The following CHD9 variants were observed in gnomAD, a reference collection of about 807,000 sequenced individuals.
The protein encoded by CHD9 is chromodomain helicase DNA binding protein 9, also known as ATP-dependent chromatin remodeler CHD9.
Under a neutral mutation model 316.1 loss-of-function variants are expected in CHD9, and 77 were observed. The observed-to-expected ratio is 0.24, with a 90% CI of 0.20 to 0.29. The LOEUF is 0.29. Ranked by LOEUF, CHD9 falls within the 10% of genes least tolerant of loss-of-function variation. The pLI is 1.00. For synonymous variants in CHD9, 1,129 were observed against 1,158.3 expected (o/e 0.97, Z 0.51); for missense variants, 2,763 against 3,438.1 (o/e 0.80, Z 4.91).
intron 2 of CHD9, among the ~76,000 whole-genome samples, chr16:53,186,861 C>T (rs1483604548): frequency 6.6e-6 from 1 of 152,196 alleles, no homozygotes; most frequent in African/African-American, 2.4e-5. Flanking sequence ...TCCCCTTCCA[C>T]CATGATTGTA....
At chr16:53,114,036 G>C (rs557661963) in intron 1 of CHD9, among the ~76,000 whole-genome samples, 2 of 151,316 alleles carry the variant, frequency 1.3e-5, no homozygotes, top group Non-Finnish European at 2.9e-5. Context: ...TGAGGAAAAG[G>C]GTTATTAATT....
chr16:53,167,279 C>T (rs1197565621), intron 2 of CHD9, among the ~76,000 whole-genome samples: 4 of 152,092 alleles, frequency 2.6e-5, no homozygotes, highest in Non-Finnish European at 5.9e-5. Context: ...ATTGTATATA[C>T]ATGTGAATGA....
intron 2 of CHD9, among the ~76,000 whole-genome samples, chr16:53,206,038 C>T (rs754014412): frequency 3.9e-5 from 6 of 151,964 alleles, no homozygotes; most frequent in Admixed American, 1.3e-4. Context: ...CCACAACCTC[C>T]GCCTCCCAGG....
In CHD9 at chr16:53,300,237, C is replaced by T. The variant is rs1240790949; in HGVS notation, c.5713+3079C>T. On this transcript the variant is annotated intron_variant, in intron 30 of 38. Coordinates refer to ENST00000447540, the MANE Select transcript of CHD9 (RefSeq NM_001308319.2). ...GTGTAGTGGCACGCACCTGTAATCCCAGCTACTCGGGAGGCTGAGGCAGGA... is the reference window on the plus strand; with the variant it reads ...GTGTAGTGGCACGCACCTGTAATCCTAGCTACTCGGGAGGCTGAGGCAGGA... Among the ~76,000 whole-genome samples, 8 of 152,066 alleles carry T rather than the reference C, an allele frequency of 5.3e-5. No individual in the cohort carries two copies. In the South Asian group the frequency reaches 1.5e-3, roughly 28 times the overall value.
chr16:53,172,455 G>A (rs1049621570), intron 2 of CHD9, among the ~76,000 whole-genome samples: 3 of 152,156 alleles, frequency 2.0e-5, no homozygotes, highest in East Asian at 3.8e-4. Flanking sequence ...CCCGTTTGGG[G>A]TTATTATCAA....
In CHD9 at chr16:53,222,636, TG is replaced by T; in HGVS notation, c.1785-7del. ...TTCATACTTTTTATTCTTTTCCTCT[TG>T]AAACAGCAAACTCATTATTACATTG... On this transcript the variant is annotated splice_region_variant and splice_polypyrimidine_tract_variant and intron_variant, in intron 3 of 38. Transcript: ENST00000447540. The T allele has an allele frequency of 7.8e-7, 1 of 1,275,164 alleles. No homozygotes were observed. Among genetic ancestry groups the T allele is most frequent in the South Asian group, 1.3e-5 (1 of 74,696 alleles). 79.0% of individuals were successfully genotyped at this position (1,275,164 alleles called of 1,614,324 possible).
chr16:53,195,309 A>G (rs2044807872), intron 2 of CHD9, among the ~76,000 whole-genome samples: 1 of 152,208 alleles, frequency 6.6e-6, no homozygotes, highest in Admixed American at 6.5e-5. Flanking sequence ...AACTTTAATT[A>G]TGTTGGACAT....
At chr16:53,259,486 A>T (rs1020911659) in intron 19 of CHD9, among the ~76,000 whole-genome samples, 2 of 151,832 alleles carry the variant, frequency 1.3e-5, no homozygotes, top group African/African-American at 4.8e-5. Context: ...ATCGTTCCTC[A>T]TGGTTTTTTG....
intron 1 of CHD9, among the ~76,000 whole-genome samples, chr16:53,123,385 A>G (rs1046648429): frequency 3.3e-5 from 5 of 151,936 alleles, no homozygotes; most frequent in African/African-American, 1.2e-4. Flanking sequence ...CTAGGCAACC[A>G]CTAATCTACT....
At chr16:53,062,568 C>A (rs1351026431) in intron 1 of CHD9, among the ~76,000 whole-genome samples, 1 of 151,928 alleles carries the variant, frequency 6.6e-6, no homozygotes, top group Non-Finnish European at 1.5e-5. Flanking sequence ...ATAGTGAGAC[C>A]CCATCTCTAC....
chr16:53,200,386 A>G (rs1255988633), intron 2 of CHD9, among the ~76,000 whole-genome samples: 4 of 150,856 alleles, frequency 2.7e-5, no homozygotes, highest in Admixed American at 2.6e-4. Context: ...AAAAAAAAAA[A>G]AAAACCACAA....
intron 29 of CHD9, 76 bp downstream of exon 29, chr16:53,293,128 T>C: frequency 7.6e-7 from 1 of 1,309,168 alleles, no homozygotes; most frequent in Non-Finnish European, 1.1e-6. Context: ...TGGGTACAAT[T>C]ATCACGCTTT....
intron 26 of CHD9, 119 bp from the exon 27 acceptor site, chr16:53,287,838 G>A: frequency 2.6e-6 from 2 of 770,782 alleles, no homozygotes; most frequent in Non-Finnish European, 4.5e-6. Flanking sequence ...CTTCTGGCTA[G>A]AGAAGAGACG....
chr16:53,277,040 T>C (rs1407950851), intron 24 of CHD9, among the ~76,000 whole-genome samples: 1 of 151,946 alleles, frequency 6.6e-6, no homozygotes, highest in African/African-American at 2.4e-5. Flanking sequence ...GATACAACCA[T>C]CCTAGCTTAA....
intron 19 of CHD9, among the ~76,000 whole-genome samples, chr16:53,256,979 A>G (rs139805528): frequency 6.6e-6 from 1 of 152,326 alleles, no homozygotes; most frequent in African/African-American, 2.4e-5. Context: ...GTATTTTGCT[A>G]AATGCCAGGA....
intron 1 of CHD9, among the ~76,000 whole-genome samples, chr16:53,147,161 AAGG>A (rs1395448039): frequency 6.6e-6 from 1 of 152,162 alleles, no homozygotes; most frequent in Non-Finnish European, 1.5e-5. Context: ...AAAATAAAGC[AAGG>A]AAGGGGGAGT....
At chr16:53,226,835 C>T (rs1025441394) in intron 5 of CHD9, among the ~76,000 whole-genome samples, 9 of 152,152 alleles carry the variant, frequency 5.9e-5, no homozygotes, top group African/African-American at 2.2e-4. Context: ...CTAATAGTTT[C>T]CTAAACCTTA....
In CHD9 at chr16:53,304,581, C is replaced by T; in HGVS notation, c.6575C>T (p.Ser2192Leu). Residue 2192 changes from serine to leucine, a missense_variant, in exon 31 of 39, where the codon TCA (serine) becomes TTA (leucine). By Grantham distance (145) the Ser-to-Leu change is moderately radical. Around this residue, in one of 15 missense-constraint regions of CHD9, gnomAD observed 663 missense variants for 751.2 expected, o/e 0.88. Transcript: ENST00000447540. Reference sequence around the variant, plus strand: ...TCCTCCTCCTCCTCCTCTTCATCTTCATCAGAAGAAAGTGACAGTGATGAA... The same window carrying T: ...TCCTCCTCCTCCTCCTCTTCATCTTTATCAGAAGAAAGTGACAGTGATGAA... ...TSSSSSSSSSSSEESDSDEEE... is the reference protein window; with the variant it reads ...TSSSSSSSSSLSEESDSDEEE... The T allele has an allele frequency of 6.5e-7, 1 of 1,549,586 alleles. No homozygotes were observed. Among genetic ancestry groups the T allele is most frequent in the East Asian group, 2.4e-5 (1 of 40,926 alleles).
At chr16:53,057,950 T>C (rs986850968) in intron 1 of CHD9, among the ~76,000 whole-genome samples, 4 of 152,176 alleles carry the variant, frequency 2.6e-5, no homozygotes, top group Non-Finnish European at 1.5e-5. Flanking sequence ...ACAGTTGACG[T>C]GCTGTCTAGT....
Sources: allele counts gnomAD v4.1 joint callset (sites outside exome capture counted in the v4.1 genomes callset), GRCh38; gene constraint gnomAD v4.1.1; regional missense constraint gnomAD v4.1.1; transcripts MANE v1.5; gene names NCBI Gene and HGNC (gene_info 2026-07-23, HGNC 2026-07-21).